ARHGAP15: variants seen among roughly 807,000 people sequenced by gnomAD.
The protein encoded by ARHGAP15 is Rho GTPase activating protein 15.
A neutral mutation model predicts 63.7 loss-of-function variants in ARHGAP15; 51 were observed. That is an observed-to-expected ratio of 0.80 (90% CI 0.64 to 1.01). The LOEUF is 1.01. Among genes scored for constraint, ARHGAP15 ranks in the 50% least tolerant of loss-of-function variants. The pLI is 0.00. For synonymous variants in ARHGAP15, 191 were observed against 193.8 expected (o/e 0.99, Z 0.12); for missense variants, 560 against 564.6 (o/e 0.99, Z 0.08).
At chr2:143,312,538 AT>A (rs1443821318) in intron 6 of ARHGAP15, among the ~76,000 whole-genome samples, 5 of 152,132 alleles carry the variant, frequency 3.3e-5, no homozygotes, top group Admixed American at 3.3e-4. Context: ...GTATGTCATG[AT>A]TTTTAAACAT....
chr2:143,420,236 A>T (rs1206626927), intron 6 of ARHGAP15, among the ~76,000 whole-genome samples: 2 of 152,180 alleles, frequency 1.3e-5, no homozygotes, highest in Admixed American at 6.6e-5. Context: ...AGGAGACTCA[A>T]TTTACTCATT....
intron 10 of ARHGAP15, among the ~76,000 whole-genome samples, chr2:143,551,070 T>G (rs1695541670): frequency 6.6e-6 from 1 of 152,200 alleles, no homozygotes; most frequent in African/African-American, 2.4e-5. Flanking sequence ...TTATCTTTTC[T>G]GAGAAATCAA....
intron 9 of ARHGAP15, among the ~76,000 whole-genome samples, chr2:143,505,355 T>C (rs1693262373): frequency 6.6e-6 from 1 of 152,142 alleles, no homozygotes; most frequent in Non-Finnish European, 1.5e-5. Context: ...CAAAGCAGCA[T>C]CTCACAACAT....
chr2:143,334,323 T>C (rs1381696501), intron 6 of ARHGAP15, among the ~76,000 whole-genome samples: 1 of 152,220 alleles, frequency 6.6e-6, no homozygotes, highest in Non-Finnish European at 1.5e-5. Context: ...ATACCTTTTT[T>C]CTCAACATGG....
Position 143,193,983 on chromosome 2 carries a change from A to G in ARHGAP15, c.166-8151A>G, listed in dbSNP as rs1406245907. 7.2e-5 allele frequency among the ~76,000 whole-genome samples: 11 copies of G among 152,362 alleles called. No homozygotes were observed. The East Asian group carries it at 2.1e-3, about 29-fold the overall frequency. On this transcript the variant is annotated intron_variant, in intron 2 of 13. Coordinates refer to ENST00000295095, the MANE Select transcript of ARHGAP15 (RefSeq NM_018460.4). ...GCAATGAAAGAAACATTTTTATTTG[A>G]GACTGAAAATAAAGCCTGATTCTAA...
At chr2:143,307,895 A>G (rs571643375) in intron 6 of ARHGAP15, among the ~76,000 whole-genome samples, 1 of 152,292 alleles carries the variant, frequency 6.6e-6, no homozygotes, top group East Asian at 1.9e-4. Context: ...GCATTTATTC[A>G]TGGATTCTTA....
chr2:143,256,606 A>G (rs1240530751), intron 6 of ARHGAP15, among the ~76,000 whole-genome samples: 3 of 152,138 alleles, frequency 2.0e-5, no homozygotes, highest in Non-Finnish European at 4.4e-5. Flanking sequence ...CAAGTGAAAG[A>G]GGGACAATAG....
intron 4 of ARHGAP15, among the ~76,000 whole-genome samples, chr2:143,216,784 C>G (rs1053275632): frequency 3.3e-5 from 5 of 152,138 alleles, no homozygotes; most frequent in Non-Finnish European, 7.3e-5. Context: ...AGAAAAGTCT[C>G]TATACAATAC....
At chr2:143,695,048 C>T (rs1683780842) in intron 12 of ARHGAP15, among the ~76,000 whole-genome samples, 1 of 151,846 alleles carries the variant, frequency 6.6e-6, no homozygotes, top group Non-Finnish European at 1.5e-5. Context: ...TGAAAATGTA[C>T]AAAGATAATG....
At chr2:143,276,910 G>A (rs1296180112) in intron 6 of ARHGAP15, among the ~76,000 whole-genome samples, 1 of 152,176 alleles carries the variant, frequency 6.6e-6, no homozygotes, top group African/African-American at 2.4e-5. Context: ...CTGAAACATT[G>A]GCTTAGCTTT....
intron 4 of ARHGAP15, among the ~76,000 whole-genome samples, chr2:143,218,651 C>T (rs951120281): frequency 2.6e-5 from 4 of 152,074 alleles, no homozygotes; most frequent in Admixed American, 6.6e-5. Context: ...GGGCAGCTTT[C>T]TATGGTGCTA....
At chr2:143,430,431 T>C (rs1689334971) in intron 6 of ARHGAP15, among the ~76,000 whole-genome samples, 1 of 152,058 alleles carries the variant, frequency 6.6e-6, no homozygotes, top group African/African-American at 2.4e-5. Flanking sequence ...TAGTGTAATT[T>C]CTTTGGTGGT....
chr2:143,517,886 G>A (rs1173999071), intron 9 of ARHGAP15, among the ~76,000 whole-genome samples: 1 of 152,160 alleles, frequency 6.6e-6, no homozygotes, highest in Non-Finnish European at 1.5e-5. Flanking sequence ...ACAGCAATGT[G>A]GGGCTATTAC....
At chr2:143,553,382 G>A (rs7421813) in intron 10 of ARHGAP15, among the ~76,000 whole-genome samples, 9,845 of 152,202 alleles carry the variant, frequency 0.065, 411 homozygotes, top group Non-Finnish European at 0.092. Flanking sequence ...TATAGTGTTG[G>A]TATCTTTGAA....
intron 13 of ARHGAP15, chr2:143,706,376 TTTA>T (rs1684328304): frequency 1.3e-5 from 2 of 152,220 alleles, no homozygotes; most frequent in African/African-American, 4.8e-5. Context: ...GTATGTAGTG[TTTA>T]TTCCAAATTG....
At chr2:143,586,340 A>G (rs1284818874) in intron 11 of ARHGAP15, among the ~76,000 whole-genome samples, 1 of 151,826 alleles carries the variant, frequency 6.6e-6, no homozygotes, top group Non-Finnish European at 1.5e-5. Flanking sequence ...CTTCTATTAC[A>G]TCTTTAATTT....
chr2:143,143,698 G>A (rs1368413528), intron 1 of ARHGAP15, among the ~76,000 whole-genome samples: 1 of 151,156 alleles, frequency 6.6e-6, no homozygotes. Flanking sequence ...TACATGCTAA[G>A]CCATTCTATC....
intron 10 of ARHGAP15, among the ~76,000 whole-genome samples, chr2:143,548,173 G>T (rs1377486272): frequency 6.6e-6 from 1 of 152,014 alleles, no homozygotes; most frequent in African/African-American, 2.4e-5. Context: ...AAATATTTTT[G>T]CAAGAAAACA....
intron 6 of ARHGAP15, among the ~76,000 whole-genome samples, chr2:143,303,538 T>C (rs1343184416): frequency 6.6e-6 from 1 of 151,982 alleles, no homozygotes; most frequent in Non-Finnish European, 1.5e-5. Flanking sequence ...AGGCAATACA[T>C]TCAGGACATA....
Sources: allele counts gnomAD v4.1 joint callset (sites outside exome capture counted in the v4.1 genomes callset), GRCh38; gene constraint gnomAD v4.1.1; transcripts MANE v1.5; gene names NCBI Gene and HGNC (gene_info 2026-07-23, HGNC 2026-07-21).